Variants in CCSER1 observed in about 807,000 individuals in gnomAD.
CCSER1 encodes the protein coiled-coil serine rich protein 1, also known as serine-rich coiled-coil domain-containing protein 1.
In CCSER1, 41 loss-of-function variants were observed where a neutral mutation model predicts 82.0. The ratio of observed to expected loss-of-function variants is 0.50; its 90% CI spans 0.39 to 0.65. The LOEUF is 0.65. Ranked by LOEUF, CCSER1 falls within the 30% of genes least tolerant of loss-of-function variation. CCSER1 has a pLI of 0.00. For synonymous variants in CCSER1, 414 were observed against 383.9 expected (o/e 1.08, Z -0.92); for missense variants, 1,119 against 1,064.2 (o/e 1.05, Z -0.72).
chr4:90,331,327 T>G (rs1739235811), intron 3 of CCSER1, among the ~76,000 whole-genome samples: 1 of 152,172 alleles, frequency 6.6e-6, no homozygotes, highest in Admixed American at 6.5e-5. Context: ...GTCCACCTAA[T>G]GGACAAATAA....
At chr4:90,743,453 C>T (rs1746894775) in intron 7 of CCSER1, among the ~76,000 whole-genome samples, 1 of 152,146 alleles carries the variant, frequency 6.6e-6, no homozygotes, top group African/African-American at 2.4e-5. Context: ...ATGAACACGT[C>T]TTCTTTTTCT....
At chr4:91,364,325 A>G (rs1332609332) in intron 10 of CCSER1, among the ~76,000 whole-genome samples, 2 of 152,078 alleles carry the variant, frequency 1.3e-5, no homozygotes, top group Admixed American at 6.5e-5. Flanking sequence ...AATTTTCATG[A>G]TGGGAAATAC....
chr4:90,972,743 A>C (rs1248996966), intron 9 of CCSER1, among the ~76,000 whole-genome samples: 1 of 151,726 alleles, frequency 6.6e-6, no homozygotes, highest in Non-Finnish European at 1.5e-5. Flanking sequence ...GAGGCATCAC[A>C]ATTCCTGATC....
At chr4:90,208,817 C>G (rs1326528488) in intron 1 of CCSER1, among the ~76,000 whole-genome samples, 2 of 152,060 alleles carry the variant, frequency 1.3e-5, no homozygotes, top group African/African-American at 4.8e-5. Flanking sequence ...CTTCAGCTCG[C>G]CCTCCGTGGG....
At chr4:90,844,219 TAGAG>T (rs949557985) in intron 8 of CCSER1, among the ~76,000 whole-genome samples, 9 of 151,416 alleles carry the variant, frequency 5.9e-5, no homozygotes, top group African/African-American at 2.2e-4. Context: ...TATATATGTA[TAGAG>T]AGAGAGAGAA....
intron 10 of CCSER1, among the ~76,000 whole-genome samples, chr4:91,246,064 A>G (rs1477804819): frequency 6.6e-6 from 1 of 152,200 alleles, no homozygotes; most frequent in Non-Finnish European, 1.5e-5. Context: ...TAGTAAGCAC[A>G]TAGAAAAGCA....
intron 5 of CCSER1, among the ~76,000 whole-genome samples, chr4:90,575,442 C>A (rs1560746852): frequency 6.6e-6 from 1 of 152,156 alleles, no homozygotes; most frequent in Non-Finnish European, 1.5e-5. Flanking sequence ...GGACAGAACC[C>A]TCCTGACCTC....
At chr4:90,221,180 T>C (rs1276537587) in intron 1 of CCSER1, among the ~76,000 whole-genome samples, 1 of 152,132 alleles carries the variant, frequency 6.6e-6, no homozygotes, top group South Asian at 2.1e-4. Flanking sequence ...TCCTAAACTA[T>C]TATAAGTTTC....
At chr4:91,362,401 A>G (rs1014209808) in intron 10 of CCSER1, among the ~76,000 whole-genome samples, 2 of 151,806 alleles carry the variant, frequency 1.3e-5, no homozygotes, top group Middle Eastern at 3.2e-3. Context: ...CCTCACACAC[A>G]TACACACACA....
At chr4:90,631,106 G>A (rs985112913) in intron 6 of CCSER1, among the ~76,000 whole-genome samples, 2 of 151,966 alleles carry the variant, frequency 1.3e-5, no homozygotes, top group African/African-American at 4.8e-5. Context: ...CGTTGGCCAG[G>A]ATGGTCTTGA....
At chr4:90,606,337 A>C (rs1784702285) in intron 5 of CCSER1, among the ~76,000 whole-genome samples, 1 of 152,214 alleles carries the variant, frequency 6.6e-6, no homozygotes, top group African/African-American at 2.4e-5. Context: ...CTACACACCT[A>C]CATTATAACG....
In CCSER1 at chr4:90,824,094, G is replaced by A. The variant is rs150185545; in HGVS notation, c.2094+8249G>A. 5.4e-4 allele frequency among the ~76,000 whole-genome samples: 81 copies of A among 151,328 alleles called. 1 individual carries two copies. The East Asian group carries it at 0.011, about 20-fold the overall frequency. ...ATTGAGTTGAACACTTTTTCCTCCC[G>A]TAATGTAAATATGAACTCAAGAAAG... is the stretch of plus-strand genomic sequence containing the variant. On this transcript the variant is annotated intron_variant, in intron 8 of 10. Transcript: ENST00000509176.
intron 9 of CCSER1, among the ~76,000 whole-genome samples, chr4:91,027,689 G>A (rs868413651): frequency 5.9e-5 from 9 of 152,038 alleles, no homozygotes; most frequent in Non-Finnish European, 8.8e-5. Context: ...TTCTCATTTA[G>A]CCACAGCTGG....
At chr4:91,187,668 C>T (rs1482451694) in intron 10 of CCSER1, among the ~76,000 whole-genome samples, 1 of 152,074 alleles carries the variant, frequency 6.6e-6, no homozygotes, top group Non-Finnish European at 1.5e-5. Flanking sequence ...TCTCCTTCCT[C>T]AGCCTCATGA....
intron 7 of CCSER1, among the ~76,000 whole-genome samples, chr4:90,736,711 T>G (rs115983107): frequency 6.6e-6 from 1 of 152,200 alleles, no homozygotes; most frequent in Non-Finnish European, 1.5e-5. Flanking sequence ...ATGATATTAT[T>G]AATAAGTAAG....
At chr4:90,147,708 A>G (rs1294793027) in intron 1 of CCSER1, among the ~76,000 whole-genome samples, 4 of 152,190 alleles carry the variant, frequency 2.6e-5, no homozygotes, top group Admixed American at 6.6e-5. Flanking sequence ...CAAACATTTG[A>G]AAACATTTTC....
At chr4:90,687,949 C>T (rs1346761258) in intron 6 of CCSER1, among the ~76,000 whole-genome samples, 1 of 152,104 alleles carries the variant, frequency 6.6e-6, no homozygotes, top group African/African-American at 2.4e-5. Flanking sequence ...TGTCCTCATC[C>T]CAGTCACCTT....
At chr4:90,348,079 C>T (rs184482482) in intron 3 of CCSER1, among the ~76,000 whole-genome samples, 78 of 152,106 alleles carry the variant, frequency 5.1e-4, no homozygotes, top group African/African-American at 1.7e-3. Context: ...GACATATGGA[C>T]ACATGGAGGG....
intron 7 of CCSER1, among the ~76,000 whole-genome samples, chr4:90,726,708 A>G (rs1413810545): frequency 1.3e-5 from 2 of 152,136 alleles, no homozygotes; most frequent in Non-Finnish European, 2.9e-5. Context: ...TCTCAAATTT[A>G]CTGTTTAAAA....
Sources: allele counts gnomAD v4.1 joint callset (sites outside exome capture counted in the v4.1 genomes callset), GRCh38; gene constraint gnomAD v4.1.1; transcripts MANE v1.5; gene names NCBI Gene and HGNC (gene_info 2026-07-23, HGNC 2026-07-21).